AGPS: variants seen among roughly 807,000 people sequenced by gnomAD.
AGPS encodes alkylglycerone phosphate synthase.
In AGPS, 26 loss-of-function variants were observed where a neutral mutation model predicts 90.7. That is an observed-to-expected ratio of 0.29 (90% CI 0.21 to 0.40). The LOEUF (loss-of-function observed/expected upper bound fraction) is 0.40, where lower values mean the gene tolerates loss of function less well. AGPS is among the 10% of genes least tolerant of loss of function. The pLI, the probability that AGPS is intolerant of heterozygous loss-of-function variation, is 1.00. For missense variants in AGPS, 540 were observed against 816.1 expected, an observed-to-expected ratio of 0.66 and a Z score of 4.12; for synonymous variants, 294 against 285.3, an observed-to-expected ratio of 1.03 and a Z score of -0.31.
intron 1 of AGPS, among the ~76,000 whole-genome samples, chr2:177,396,989 A>G (rs970976761): frequency 2.7e-4 from 40 of 146,608 alleles, no homozygotes; most frequent in Non-Finnish European, 5.2e-4. Flanking sequence ...CCCAGGCTAG[A>G]GTGAAGTGGC....
chr2:177,488,076 A>G (rs1688146636), intron 11 of AGPS, among the ~76,000 whole-genome samples: 1 of 152,210 alleles, frequency 6.6e-6, no homozygotes, highest in Non-Finnish European at 1.5e-5. Context: ...TAATAACTGT[A>G]GCCTTAAATA....
At chr2:177,398,372 A>C (rs1037002018) in intron 1 of AGPS, among the ~76,000 whole-genome samples, 3 of 152,228 alleles carry the variant, frequency 2.0e-5, no homozygotes, top group African/African-American at 7.2e-5. Flanking sequence ...GCTTATGTAC[A>C]TTATGTCATT....
At chr2:177,431,683 T>G (rs1259611845) in intron 2 of AGPS, among the ~76,000 whole-genome samples, 2 of 152,174 alleles carry the variant, frequency 1.3e-5, no homozygotes, top group East Asian at 1.9e-4. Flanking sequence ...TTTCACGTCC[T>G]TTTATAGGCT....
chr2:177,529,429 C>T (rs1172048605), intron 19 of AGPS, among the ~76,000 whole-genome samples: 1 of 152,058 alleles, frequency 6.6e-6, no homozygotes, highest in Non-Finnish European at 1.5e-5. Context: ...GGCATCGCAC[C>T]ACTGCACTCC....
intron 16 of AGPS, among the ~76,000 whole-genome samples, chr2:177,508,710 G>A (rs1057034561): frequency 2.0e-5 from 3 of 152,092 alleles, no homozygotes; most frequent in Admixed American, 2.0e-4. Flanking sequence ...AACTCATCCA[G>A]TAATAAAAAA....
chr2:177,427,147 A>G (rs1686107722), intron 2 of AGPS, among the ~76,000 whole-genome samples: 1 of 152,170 alleles, frequency 6.6e-6, no homozygotes, highest in Admixed American at 6.5e-5. Flanking sequence ...TCATGTGCAT[A>G]GAGATGTTGA....
chr2:177,436,745 A>T lies in AGPS; in HGVS notation c.442-19A>T. ...TCGTTGTCTAAAAATAAGTCAAAGA[A>T]ATCAATTTTATTTTCTAGGCATCCT... On this transcript the variant is annotated intron_variant, in intron 3 of 19. Transcript: ENST00000264167. 1 of 1,609,142 alleles carries T rather than the reference A, an allele frequency of 6.2e-7. No homozygotes were observed. The highest frequency in any genetic ancestry group is 2.2e-5 in the East Asian group (1 of 44,698).
At chr2:177,417,507 G>A (rs1472939895) in intron 1 of AGPS, among the ~76,000 whole-genome samples, 2 of 152,118 alleles carry the variant, frequency 1.3e-5, no homozygotes, top group Admixed American at 6.5e-5. Flanking sequence ...AAACAGTATT[G>A]ATGTAAATCA....
chr2:177,433,696 TAAATC>T (rs1213903329), intron 2 of AGPS, among the ~76,000 whole-genome samples: 1 of 152,338 alleles, frequency 6.6e-6, no homozygotes, highest in South Asian at 2.1e-4. Flanking sequence ...TTTTTTTTCT[TAAATC>T]AAGCAATTAA....
chr2:177,529,684 T>C (rs926028720), intron 19 of AGPS, among the ~76,000 whole-genome samples: 4 of 152,212 alleles, frequency 2.6e-5, no homozygotes, highest in Non-Finnish European at 4.4e-5. Context: ...TGCAACTCCA[T>C]ACCACCAACC....
intron 19 of AGPS, among the ~76,000 whole-genome samples, chr2:177,527,369 A>G (rs544499517): frequency 1.3e-5 from 2 of 152,296 alleles, no homozygotes; most frequent in African/African-American, 4.8e-5. Context: ...TTGAGGTTGC[A>G]GTGAGCCATG....
At chr2:177,519,942 T>C (rs1464298614) in intron 17 of AGPS, among the ~76,000 whole-genome samples, 1 of 152,246 alleles carries the variant, frequency 6.6e-6, no homozygotes, top group Admixed American at 6.5e-5. Flanking sequence ...GATGATAAGC[T>C]AAACAAGGAG....
chr2:177,412,876 G>A (rs1685659250), intron 1 of AGPS, among the ~76,000 whole-genome samples: 1 of 152,134 alleles, frequency 6.6e-6, no homozygotes, highest in African/African-American at 2.4e-5. Context: ...ATGAACTTGG[G>A]CACTTAGCTG....
intron 8 of AGPS, among the ~76,000 whole-genome samples, chr2:177,448,047 ATTGGT>A (rs1686828534): frequency 6.6e-6 from 1 of 151,890 alleles, no homozygotes; most frequent in East Asian, 1.9e-4. Context: ...GGCTACTTTT[ATTGGT>A]TAATAGTCTG....
chr2:177,450,975 T>TA (rs1434749270), intron 8 of AGPS, among the ~76,000 whole-genome samples: 8 of 136,572 alleles, frequency 5.9e-5, no homozygotes, highest in South Asian at 2.1e-4. Flanking sequence ...TATATATATA[T>TA]TTTAGAGACA....
intron 6 of AGPS, chr2:177,441,292 A>C: frequency 2.4e-6 from 1 of 419,488 alleles, no homozygotes; most frequent in Non-Finnish European, 4.3e-6. Context: ...CCTGAATAAC[A>C]AAATGTTTCT....
At position 177,541,537 on chromosome 2, in the gene AGPS, G is replaced by A. The variant is rs1445590714; in HGVS notation, c.*3342G>A. The A allele has an allele frequency of 2.0e-5, 3 of 152,160 alleles. No individual in the cohort carries two copies. Among genetic ancestry groups the A allele is most frequent in the Non-Finnish European group, 4.4e-5 (3 of 68,014 alleles). 9.4% of individuals were successfully genotyped at this position (152,160 alleles called of 1,614,324 possible). On this transcript the variant is annotated 3_prime_UTR_variant, in exon 20 of 20. Coordinates refer to ENST00000264167, the MANE Select transcript of AGPS (RefSeq NM_003659.4). ...CAGCCAAAATGGAATGCTGTGGAAA[G>A]CATATCTATATCTTAAAAAACACTC...
intron 2 of AGPS, among the ~76,000 whole-genome samples, chr2:177,430,391 G>T (rs1209438568): frequency 1.3e-5 from 2 of 152,232 alleles, no homozygotes; most frequent in Non-Finnish European, 2.9e-5. Flanking sequence ...GGGATTCCTA[G>T]GGTGGAGTCT....
intron 2 of AGPS, among the ~76,000 whole-genome samples, chr2:177,431,449 G>C (rs527386992): frequency 1.3e-5 from 2 of 152,044 alleles, no homozygotes; most frequent in Non-Finnish European, 2.9e-5. Context: ...GCAGAGAACC[G>C]GTCTGACCTC....
Sources: gnomAD v4.1 joint callset for allele counts (sites outside exome capture counted in the v4.1 genomes callset) on GRCh38, gnomAD v4.1.1 for gene constraint, MANE v1.5 for transcripts, NCBI Gene and HGNC (gene_info 2026-07-23, HGNC 2026-07-21) for gene names.